STON2: variants seen among roughly 807,000 people sequenced by gnomAD.
The protein encoded by STON2 is stonin-2.
A neutral mutation model predicts 65.7 loss-of-function variants in STON2; 29 were observed. That is an observed-to-expected ratio of 0.44 (90% confidence interval 0.33 to 0.60). The LOEUF (loss-of-function observed/expected upper bound fraction) is 0.60. STON2 is among the 20% of genes least tolerant of loss of function. The pLI is 0.03. For missense variants in STON2, 1,054 were observed against 1,118.1 expected (o/e 0.94, Z 0.82); for synonymous variants, 404 against 414.2 (o/e 0.98, Z 0.30).
chr14:81,410,807 G>C (rs1901118810), intron 2 of STON2, among the ~76,000 whole-genome samples: 2 of 152,198 alleles, frequency 1.3e-5, no homozygotes, highest in Non-Finnish European at 2.9e-5. Flanking sequence ...AATGGGAGGA[G>C]AATTTACTCC....
Position 81,270,881 on chromosome 14 carries a change from G to C in STON2, c.2582-9C>G. The C allele has an allele frequency of 1.2e-6, 2 of 1,611,632 alleles. No homozygotes were observed. Among genetic ancestry groups the C allele is most frequent in the Non-Finnish European group, 1.7e-6 (2 of 1,179,616 alleles). The stretch of plus-strand genomic sequence containing the variant: ...GTGTGGGTGACCGGAAGCTATGAAA[G>C]AAAGACAATCGAGAGATCAGATTAT... On this transcript the variant is annotated splice_polypyrimidine_tract_variant and intron_variant, in intron 6 of 7. Transcript: ENST00000614646.
rs551379805 is a variant in STON2 at position 81,413,590 on chromosome 14, T to C, written c.-199+13512A>G. 3.6e-5 allele frequency among the ~76,000 whole-genome samples: 5 copies of C among 138,980 alleles called. 1 individual carries two copies. The South Asian group carries it at 1.2e-3, about 34-fold the overall frequency. The allele number at this position is 138,980 out of a possible 152,430, so 91.2% of individuals were successfully genotyped here. On this transcript the variant is annotated intron_variant, in intron 2 of 8. Transcript: ENST00000553821. ...GCAGGCAGATCAAGTGGTCAGGTGTTCGAGACCAGCCTGACCAACATGGTG... is the reference window on the plus strand; with the variant it reads ...GCAGGCAGATCAAGTGGTCAGGTGTCCGAGACCAGCCTGACCAACATGGTG...
chr14:81,352,230 T>A (rs1466883763), intron 4 of STON2, among the ~76,000 whole-genome samples: 1 of 152,148 alleles, frequency 6.6e-6, no homozygotes, highest in Non-Finnish European at 1.5e-5. Context: ...ACTACCATTA[T>A]TTCCAAGTAG....
chr14:81,396,860 A>C (rs886276781), intron 2 of STON2, among the ~76,000 whole-genome samples: 2 of 152,158 alleles, frequency 1.3e-5, no homozygotes, highest in African/African-American at 4.8e-5. Context: ...GCGGTTCGAG[A>C]CCAGCCTGAC....
upstream of STON2, among the ~76,000 whole-genome samples, chr14:81,402,393 C>T (rs1900651901): frequency 6.6e-6 from 1 of 152,160 alleles, no homozygotes; most frequent in Non-Finnish European, 1.5e-5. Context: ...CAGGGAGATA[C>T]CACAGCAACC....
intron 5 of STON2, among the ~76,000 whole-genome samples, chr14:81,315,716 T>A (rs1896594672): frequency 2.0e-5 from 3 of 152,370 alleles, no homozygotes; most frequent in Non-Finnish European, 4.4e-5. Context: ...TCTTAGCATT[T>A]GCTCATTCAC....
chr14:81,408,815 G>A (rs1162659995), intron 2 of STON2, among the ~76,000 whole-genome samples: 4 of 152,198 alleles, frequency 2.6e-5, no homozygotes, highest in Non-Finnish European at 5.9e-5. Flanking sequence ...GACCTTGACT[G>A]ACATCCCCAC....
At chr14:81,390,026 A>G (rs1334765974) in intron 3 of STON2, among the ~76,000 whole-genome samples, 1 of 152,086 alleles carries the variant, frequency 6.6e-6, no homozygotes, top group African/African-American at 2.4e-5. Flanking sequence ...CAGCCTGGCC[A>G]ACATAATGAA....
chr14:81,386,048 G>A (rs1899785309), intron 3 of STON2, among the ~76,000 whole-genome samples: 1 of 152,148 alleles, frequency 6.6e-6, no homozygotes. Flanking sequence ...CTGGAACGGC[G>A]AGAGAGGCAG....
At chr14:81,425,732 A>C (rs1289979816) in intron 2 of STON2, among the ~76,000 whole-genome samples, 1 of 152,210 alleles carries the variant, frequency 6.6e-6, no homozygotes, top group African/African-American at 2.4e-5. Flanking sequence ...TTCAGTTTTC[A>C]TATCTCTGAA....
intron 5 of STON2, among the ~76,000 whole-genome samples, chr14:81,297,074 A>G (rs1314916627): frequency 1.3e-5 from 2 of 152,128 alleles, no homozygotes; most frequent in African/African-American, 4.8e-5. Flanking sequence ...TGTGTCAGGC[A>G]CTTTGGTGAC....
At chr14:81,361,670 T>C (rs1251996397) in intron 4 of STON2, among the ~76,000 whole-genome samples, 2 of 152,062 alleles carry the variant, frequency 1.3e-5, no homozygotes, top group Non-Finnish European at 2.9e-5. Context: ...ATAAAAAGTT[T>C]TTGTACAACA....
chr14:81,287,917 C>A (rs1895401896), intron 5 of STON2, among the ~76,000 whole-genome samples: 1 of 152,176 alleles, frequency 6.6e-6, no homozygotes, highest in Non-Finnish European at 1.5e-5. Context: ...GGGCTCCATT[C>A]TCCAACTCAG....
At position 81,393,704 on chromosome 14, in the gene STON2, T is replaced by C. The variant is rs1358436818; in HGVS notation, c.373+2190A>G. On this transcript the variant is annotated intron_variant, in intron 3 of 7. Transcript: ENST00000614646. ...AGACAATAAGTATGCAGTAAATGTA[T>C]CATATTAAGCAGAAGGAACATTATT... is the stretch of plus-strand genomic sequence containing the variant. Among the ~76,000 whole-genome samples, 3 of 152,192 alleles carry C rather than the reference T, an allele frequency of 2.0e-5. No homozygotes were observed. In the East Asian group the frequency reaches 5.8e-4, roughly 29 times the overall value.
chr14:81,287,029 A>G (rs906066321), intron 5 of STON2, among the ~76,000 whole-genome samples: 1 of 152,212 alleles, frequency 6.6e-6, no homozygotes, highest in African/African-American at 2.4e-5. Flanking sequence ...AACAGGGAAA[A>G]TAAGTTAATT....
chr14:81,421,288 T>C (rs981283624), intron 2 of STON2, among the ~76,000 whole-genome samples: 1 of 152,162 alleles, frequency 6.6e-6, no homozygotes, highest in African/African-American at 2.4e-5. Context: ...GACGAAGCAA[T>C]GAGCCAGAAG....
At chr14:81,417,861 G>C (rs1322221794) in intron 2 of STON2, among the ~76,000 whole-genome samples, 2 of 152,192 alleles carry the variant, frequency 1.3e-5, no homozygotes, top group Admixed American at 6.5e-5. Flanking sequence ...TCGGGTGACA[G>C]AGCCAGGCAG....
Position 81,277,922 on chromosome 14 carries a change from A to G in STON2, c.1560T>C (p.Tyr520=), listed in dbSNP as rs777868567. Residue 520 remains tyrosine (Y), a synonymous_variant, in exon 6 of 8, where the codon TAT becomes TAC. Coordinates refer to ENST00000614646, the MANE Select transcript of STON2 (RefSeq NM_001394390.1). ...GGAATGGTTTTTCTAGGCCCTGCTC[A>G]TAATACAGCTGCAGGTAACCAGTGT... is the stretch of plus-strand genomic sequence containing the variant. ...LTDTGYLQLY[Y]EQGLEKPFRE... The G allele has an allele frequency of 1.2e-5, 20 of 1,614,112 alleles. No homozygotes were observed. In the Admixed American group the frequency reaches 2.8e-4, roughly 23 times the overall value.
rs1234531968 is a variant in STON2 at position 81,331,673 on chromosome 14, G to A, written c.572-7486C>T. On this transcript the variant is annotated intron_variant, in intron 4 of 7. Coordinates refer to ENST00000614646, the MANE Select transcript of STON2 (RefSeq NM_001394390.1). ...GGCCTAAATCCAGCCATGGATAGAG[G>A]GAGAGGAAAAAGAGACCTATGTTGA... Among the ~76,000 whole-genome samples the A allele has an allele frequency of 2.0e-5, 3 of 152,212 alleles. No homozygotes were observed. The East Asian group carries it at 5.8e-4, about 29-fold the overall frequency.
Sources: gnomAD v4.1 joint callset for allele counts (sites outside exome capture counted in the v4.1 genomes callset) on GRCh38, gnomAD v4.1.1 for gene constraint, MANE v1.5 for transcripts, NCBI Gene and HGNC (gene_info 2026-07-23, HGNC 2026-07-21) for gene names.